The following TCF12 variants were observed in gnomAD, a reference collection of about 807,000 sequenced individuals.
TCF12 encodes DNA-binding protein HTF4.
Under a neutral mutation model 86.0 loss-of-function variants are expected in TCF12, and 45 were observed. The ratio of observed to expected loss-of-function variants is 0.52; its 90% CI spans 0.41 to 0.67. The LOEUF (loss-of-function observed/expected upper bound fraction) is 0.67. Among genes scored for constraint, TCF12 ranks in the 30% least tolerant of loss-of-function variants. TCF12 has a pLI of 0.00. For synonymous variants in TCF12, 330 were observed against 299.6 expected, an observed-to-expected ratio of 1.10 and a Z score of -1.05; for missense variants, 881 against 859.9, an observed-to-expected ratio of 1.02 and a Z score of -0.31.
chr15:57,097,937 C>T (rs1185428534), intron 5 of TCF12, among the ~76,000 whole-genome samples: 1 of 148,942 alleles, frequency 6.7e-6, no homozygotes, highest in Non-Finnish European at 1.5e-5. Context: ...AGGTGGATCA[C>T]CTGAGTTCAG....
intron 3 of TCF12, among the ~76,000 whole-genome samples, chr15:57,059,969 A>G (rs2068337279): frequency 6.6e-6 from 1 of 152,146 alleles, no homozygotes; most frequent in Non-Finnish European, 1.5e-5. Context: ...TTCAAATACT[A>G]AGATGGGAGT....
intron 5 of TCF12, among the ~76,000 whole-genome samples, chr15:57,150,092 C>A (rs1187201581): frequency 6.6e-6 from 1 of 151,946 alleles, no homozygotes; most frequent in South Asian, 2.1e-4. Flanking sequence ...AGCAAAAAGA[C>A]GAGATAATCA....
At chr15:57,181,345 C>G (rs1233027401) in intron 6 of TCF12, among the ~76,000 whole-genome samples, 1 of 152,134 alleles carries the variant, frequency 6.6e-6, no homozygotes. Context: ...CTGCCTCACC[C>G]TACCAAGTAG....
intron 5 of TCF12, among the ~76,000 whole-genome samples, chr15:57,126,074 T>TAAC (rs1236350207): frequency 2.0e-5 from 3 of 152,034 alleles, no homozygotes; most frequent in East Asian, 3.9e-4. Flanking sequence ...CTACTAAAAA[T>TAAC]AACAACAACA....
At chr15:57,072,698 A>G in intron 4 of TCF12, 1 of 1,307,202 alleles carries the variant, frequency 7.6e-7, no homozygotes, top group Non-Finnish European at 1.0e-6. Context: ...GCAAGACAGA[A>G]GGGTCAGAGA....
At chr15:57,068,582 A>C (rs1172294473) in intron 4 of TCF12, among the ~76,000 whole-genome samples, 1 of 152,228 alleles carries the variant, frequency 6.6e-6, no homozygotes, top group Non-Finnish European at 1.5e-5. Flanking sequence ...CAGTCTCTCT[A>C]GTATAACACC....
intron 5 of TCF12, among the ~76,000 whole-genome samples, chr15:57,099,570 G>A (rs962376772): frequency 6.6e-5 from 10 of 151,960 alleles, no homozygotes; most frequent in Admixed American, 1.3e-4. Flanking sequence ...TTTTTTTAGC[G>A]TATTCTTCTC....
chr15:56,964,910 C>T (rs1375049014), intron 3 of TCF12, among the ~76,000 whole-genome samples: 1 of 152,158 alleles, frequency 6.6e-6, no homozygotes, highest in East Asian at 1.9e-4. Flanking sequence ...TAGATAATGT[C>T]CTGTATCAGG....
In TCF12 at chr15:57,120,689, T is replaced by G. The variant is rs534110244; in HGVS notation, c.325+28798T>G. Among the ~76,000 whole-genome samples the G allele has an allele frequency of 6.6e-5, 10 of 152,348 alleles. No homozygotes were observed. In the South Asian group the frequency reaches 1.2e-3, roughly 19 times the overall value. ...CATATCTAATTTTACATATGGGACC[T>G]GTAAGATTTTGATCCTTCTCCTAAA... On this transcript the variant is annotated intron_variant, in intron 5 of 20. Transcript: ENST00000333725.
intron 10 of TCF12, 91 bp from the exon 11 acceptor site, chr15:57,232,621 A>C: frequency 6.8e-7 from 1 of 1,470,172 alleles, no homozygotes; most frequent in African/African-American, 1.4e-5. Flanking sequence ...TAACTTGTAA[A>C]TGCTCTTTTT....
intron 3 of TCF12, among the ~76,000 whole-genome samples, chr15:57,045,160 G>C (rs2067147913): frequency 6.6e-6 from 1 of 152,210 alleles, no homozygotes; most frequent in Admixed American, 6.5e-5. Flanking sequence ...ATGACTCCAT[G>C]TGAGATGTGT....
chr15:56,959,152 C>T (rs1231807584), intron 3 of TCF12, among the ~76,000 whole-genome samples: 1 of 152,174 alleles, frequency 6.6e-6, no homozygotes, highest in African/African-American at 2.4e-5. Context: ...AGGTCCAACA[C>T]AGTGTCTGGC....
rs1355981547 is a variant in TCF12, at chr15:57,247,992, AC to A, written c.1115-3353del. 1.6e-4 allele frequency: 112 copies of A among 719,566 alleles called. 1 individual carries two copies. In the East Asian group the frequency reaches 2.9e-3, roughly 19 times the overall value. 44.6% of individuals were successfully genotyped at this position (719,566 alleles called of 1,614,324 possible). Reference sequence around the variant, plus strand: ...CATGGCCCTTCTCCCCCACCACCCCACCCCCACAGTGGTGGCAACGGCTGCA... The same window carrying A: ...CATGGCCCTTCTCCCCCACCACCCCACCCCACAGTGGTGGCAACGGCTGCA... On this transcript the variant is annotated intron_variant, in intron 13 of 20. Transcript: ENST00000333725.
chr15:57,059,945 A>G (rs2068335426), intron 3 of TCF12, among the ~76,000 whole-genome samples: 2 of 152,194 alleles, frequency 1.3e-5, no homozygotes, highest in Non-Finnish European at 2.9e-5. Flanking sequence ...GACACTAGAA[A>G]GAAAATACTG....
intron 8 of TCF12, among the ~76,000 whole-genome samples, chr15:57,226,477 G>A (rs945385891): frequency 1.3e-5 from 2 of 152,022 alleles, no homozygotes; most frequent in Non-Finnish European, 2.9e-5. Flanking sequence ...CCACATTAGC[G>A]TGTGTTAAAG....
At chr15:56,963,923 A>G (rs2061888026) in intron 3 of TCF12, among the ~76,000 whole-genome samples, 1 of 152,184 alleles carries the variant, frequency 6.6e-6, no homozygotes, top group African/African-American at 2.4e-5. Flanking sequence ...GAAGGCAAAA[A>G]TTTTGGCAGA....
At chr15:57,126,024 A>G (rs915652248) in intron 5 of TCF12, among the ~76,000 whole-genome samples, 1 of 152,156 alleles carries the variant, frequency 6.6e-6, no homozygotes, top group Admixed American at 6.5e-5. Context: ...TGGGCTCAGG[A>G]GTTCGAGACC....
In TCF12 at chr15:56,977,930, T is replaced by C. The variant is rs548992597; in HGVS notation, c.148+56832T>C. 2.0e-5 allele frequency among the ~76,000 whole-genome samples: 3 copies of C among 152,244 alleles called. No individual in the cohort carries two copies. In the East Asian group the frequency reaches 5.8e-4, roughly 29 times the overall value. On this transcript the variant is annotated intron_variant, in intron 3 of 20. Transcript: ENST00000333725. ...GAGATAGGGCAGACAGAATTTGCAT[T>C]TCTAACAGGTTCATATGATCTGATG...
chr15:57,152,966 G>A (rs546615993), intron 5 of TCF12, among the ~76,000 whole-genome samples: 2 of 152,138 alleles, frequency 1.3e-5, no homozygotes, highest in East Asian at 3.9e-4. Context: ...AACACATCAT[G>A]TATAGAACAA....
Sources: allele counts gnomAD v4.1 joint callset (sites outside exome capture counted in the v4.1 genomes callset), GRCh38; gene constraint gnomAD v4.1.1; transcripts MANE v1.5; gene names NCBI Gene and HGNC (gene_info 2026-07-23, HGNC 2026-07-21).